SEMA5A: variants seen among roughly 807,000 people sequenced by gnomAD.
SEMA5A encodes semaphorin 5A, also known as semaphorin-5A.
A neutral mutation model predicts 135.5 loss-of-function variants in SEMA5A; 55 were observed. The ratio of observed to expected loss-of-function variants is 0.41; its 90% CI spans 0.33 to 0.51. The LOEUF is 0.51. SEMA5A is among the 20% of genes least tolerant of loss of function. SEMA5A has a pLI of 0.37. For synonymous variants in SEMA5A, 580 were observed against 546.5 expected (o/e 1.06, Z -0.85); for missense variants, 1,290 against 1,419.9 (o/e 0.91, Z 1.47).
At position 9,197,728 on chromosome 5, in the gene SEMA5A, T is replaced by TTG. The variant is rs70943946; in HGVS notation, c.933-427_933-426dup. Among the ~76,000 whole-genome samples, 78 of 59,298 alleles carry TTG rather than the reference T, an allele frequency of 1.3e-3. 1 individual carries two copies. Among genetic ancestry groups the TTG allele is most frequent in the Middle Eastern group, 7.8e-3 (1 of 128 alleles). The allele number at this position is 59,298 out of a possible 152,430, so 38.9% of individuals were successfully genotyped here. A position where few individuals can be genotyped will look rare whatever the true frequency, so the allele number is the denominator to read the frequency against. ...TTTGCCCAGCAGCAGGGAAAGCTGT[T>TTG]TGTGTGTGTGTGTGTGTGTGTGTGT... is the stretch of plus-strand genomic sequence containing the variant. On this transcript the variant is annotated intron_variant, in intron 9 of 22. Transcript: ENST00000382496.
At chr5:9,088,204 T>C (rs1427124714) in intron 16 of SEMA5A, among the ~76,000 whole-genome samples, 2 of 149,860 alleles carry the variant, frequency 1.3e-5, no homozygotes, top group Non-Finnish European at 1.5e-5. Flanking sequence ...CTTGGGAGGC[T>C]GAGGCAGGAG....
intron 12 of SEMA5A, among the ~76,000 whole-genome samples, chr5:9,148,678 T>G (rs1249260548): frequency 6.6e-6 from 1 of 152,142 alleles, no homozygotes; most frequent in East Asian, 1.9e-4. Context: ...GAGAGTACAG[T>G]GCCTTAGTCC....
intron 1 of SEMA5A, among the ~76,000 whole-genome samples, chr5:9,501,382 T>C (rs1192672724): frequency 6.6e-6 from 1 of 152,224 alleles, no homozygotes; most frequent in Non-Finnish European, 1.5e-5. Context: ...CATATGTGTC[T>C]ACGTGTGTGT....
At chr5:9,155,328 C>A (rs1359329179) in intron 11 of SEMA5A, among the ~76,000 whole-genome samples, 1 of 152,114 alleles carries the variant, frequency 6.6e-6, no homozygotes, top group African/African-American at 2.4e-5. Flanking sequence ...CTGATCCAAG[C>A]CCTCCCCGCT....
intron 5 of SEMA5A, among the ~76,000 whole-genome samples, chr5:9,245,394 T>A (rs542252040): frequency 3.3e-5 from 5 of 152,286 alleles, no homozygotes; most frequent in Non-Finnish European, 4.4e-5. Context: ...TACCATATTA[T>A]GTCAAAGTCA....
chr5:9,188,657 G>T (rs1166076395), intron 11 of SEMA5A, among the ~76,000 whole-genome samples: 1 of 148,904 alleles, frequency 6.7e-6, no homozygotes, highest in Non-Finnish European at 1.5e-5. Flanking sequence ...GACATTTATG[G>T]TGAAAAACTA....
intron 5 of SEMA5A, among the ~76,000 whole-genome samples, chr5:9,312,479 G>C (rs887292985): frequency 6.6e-6 from 1 of 151,988 alleles, no homozygotes; most frequent in African/African-American, 2.4e-5. Flanking sequence ...GCAACTCTTG[G>C]TCTTTAAATG....
intron 1 of SEMA5A, among the ~76,000 whole-genome samples, chr5:9,473,002 A>G (rs1291481155): frequency 6.7e-6 from 1 of 150,310 alleles, no homozygotes; most frequent in Non-Finnish European, 1.5e-5. Context: ...TATTCATTTC[A>G]TCATTTCCTT....
intron 13 of SEMA5A, among the ~76,000 whole-genome samples, chr5:9,130,410 G>C (rs1282885413): frequency 6.6e-6 from 1 of 152,174 alleles, no homozygotes; most frequent in Non-Finnish European, 1.5e-5. Flanking sequence ...CTCATGCTAT[G>C]ATATCAACTA....
chr5:9,128,336 A>G (rs779965758), intron 13 of SEMA5A, among the ~76,000 whole-genome samples: 2 of 152,202 alleles, frequency 1.3e-5, no homozygotes, highest in Non-Finnish European at 2.9e-5. Flanking sequence ...GTTCTGGCCA[A>G]TGAGACTCAA....
chr5:9,096,429 T>A (rs186573654), intron 16 of SEMA5A, among the ~76,000 whole-genome samples: 51 of 152,362 alleles, frequency 3.3e-4, no homozygotes, highest in Admixed American at 2.9e-3. Flanking sequence ...ATTTCACATC[T>A]AAGTGAGATA....
rs1447350983 is a variant in SEMA5A at position 9,037,147 on chromosome 5, G to C, written c.*5750C>G. 1 of 85,352 alleles carries C rather than the reference G, an allele frequency of 1.2e-5. No homozygotes were observed. Among genetic ancestry groups the C allele is most frequent in the Non-Finnish European group, 2.5e-5 (1 of 40,550 alleles). 5.3% of individuals were successfully genotyped at this position (85,352 alleles called of 1,614,324 possible). A position where few individuals can be genotyped will look rare whatever the true frequency, so the allele number is the denominator to read the frequency against. Reference sequence around the variant, plus strand: ...GATTGACAGTTTAAGAAACACAAAAGAGTGATTTTCTACCTCCTCTTTCCT... The same window carrying C: ...GATTGACAGTTTAAGAAACACAAAACAGTGATTTTCTACCTCCTCTTTCCT... On this transcript the variant is annotated 3_prime_UTR_variant, in exon 23 of 23. Transcript: ENST00000382496.
intron 3 of SEMA5A, among the ~76,000 whole-genome samples, chr5:9,341,866 C>T (rs1462142558): frequency 6.6e-6 from 1 of 151,448 alleles, no homozygotes; most frequent in Non-Finnish European, 1.5e-5. Context: ...TTCATTGATT[C>T]TTAGTTGCCT....
At chr5:9,249,193 GA>G (rs1748643061) in intron 5 of SEMA5A, among the ~76,000 whole-genome samples, 1 of 152,166 alleles carries the variant, frequency 6.6e-6, no homozygotes, top group South Asian at 2.1e-4. Flanking sequence ...GAGAAGCTCT[GA>G]AAACAGAGTA....
intron 16 of SEMA5A, among the ~76,000 whole-genome samples, chr5:9,081,343 T>C (rs1280519200): frequency 2.0e-5 from 3 of 152,146 alleles, no homozygotes; most frequent in Non-Finnish European, 4.4e-5. Flanking sequence ...AATAAATACA[T>C]GTAGTATTAA....
intron 1 of SEMA5A, among the ~76,000 whole-genome samples, chr5:9,481,269 T>C (rs1759866471): frequency 1.3e-5 from 2 of 152,116 alleles, no homozygotes; most frequent in African/African-American, 4.8e-5. Flanking sequence ...TAAATATACG[T>C]CTGGTGAAGC....
chr5:9,134,429 T>C (rs1403586359), intron 13 of SEMA5A, among the ~76,000 whole-genome samples: 2 of 152,238 alleles, frequency 1.3e-5, no homozygotes, highest in Non-Finnish European at 2.9e-5. Context: ...TTTACAGGCA[T>C]GAGCCACTGT....
At chr5:9,472,765 C>G (rs1328789259) in intron 1 of SEMA5A, among the ~76,000 whole-genome samples, 1 of 152,020 alleles carries the variant, frequency 6.6e-6, no homozygotes, top group Middle Eastern at 3.2e-3. Context: ...CATTCACTAT[C>G]TGAGTATCTA....
chr5:9,349,629 G>A (rs1754025612), intron 3 of SEMA5A, among the ~76,000 whole-genome samples: 1 of 152,166 alleles, frequency 6.6e-6, no homozygotes, highest in South Asian at 2.1e-4. Flanking sequence ...GTTGGGCACG[G>A]TGGCTCACGT....
Sources: gnomAD v4.1 joint callset for allele counts (sites outside exome capture counted in the v4.1 genomes callset) on GRCh38, gnomAD v4.1.1 for gene constraint, MANE v1.5 for transcripts, NCBI Gene and HGNC (gene_info 2026-07-23, HGNC 2026-07-21) for gene names.